Variants in TRPM3 observed in about 807,000 individuals in gnomAD.
TRPM3 encodes transient receptor potential cation channel subfamily M member 3.
TRPM3 carries 77 observed loss-of-function variants against 181.2 expected under a neutral mutation model. The observed-to-expected ratio is 0.42, with a 90% CI of 0.35 to 0.51. The LOEUF (loss-of-function observed/expected upper bound fraction) is 0.51, where lower values mean the gene tolerates loss of function less well. TRPM3 is among the 20% of genes least tolerant of loss of function. The probability of loss-of-function intolerance (pLI) is 0.01; values close to 1 mark genes in which losing one functional copy is unlikely to be tolerated. For missense variants in TRPM3, 1,759 were observed against 2,196.7 expected, an observed-to-expected ratio of 0.80 and a Z score of 3.98; for synonymous variants, 745 against 796.4, an observed-to-expected ratio of 0.94 and a Z score of 1.09.
chr9:70,954,785 A>T (rs1401803973), intron 1 of TRPM3, among the ~76,000 whole-genome samples: 1 of 151,598 alleles, frequency 6.6e-6, no homozygotes, highest in African/African-American at 2.4e-5. Flanking sequence ...ACATCACCAT[A>T]CATCCTCGGG....
chr9:70,848,383 G>A lies in TRPM3; in HGVS notation c.463-1792C>T, dbSNP rs149877641. 2.6e-5 allele frequency among the ~76,000 whole-genome samples: 4 copies of A among 152,224 alleles called. No homozygotes were observed. The East Asian group carries it at 7.7e-4, about 29-fold the overall frequency. On this transcript the variant is annotated intron_variant, in intron 3 of 25. Coordinates refer to ENST00000677713, the MANE Select transcript of TRPM3 (RefSeq NM_001366145.2). ...CTTGGAGGAGATAATCAGAATTATA[G>A]GTAGAAGTAAAAGAGATGATGGGGA... is the stretch of plus-strand genomic sequence containing the variant.
chr9:71,106,317 C>CG (rs973838296), intron 1 of TRPM3, among the ~76,000 whole-genome samples: 8 of 151,934 alleles, frequency 5.3e-5, no homozygotes, highest in Admixed American at 4.6e-4. Flanking sequence ...GAAATGGGGC[C>CG]GGGGGGAGGT....
intron 6 of TRPM3, chr9:70,825,002 C>T (rs1460160938): frequency 6.6e-6 from 1 of 152,192 alleles, no homozygotes; most frequent in African/African-American, 2.4e-5. Context: ...ACTCCCTACC[C>T]TCTAAGGAGC....
In TRPM3 at chr9:71,216,993, C is replaced by G. The variant is rs374705054; in HGVS notation, c.183+229660G>C. ...TGAGACGGAGTCTCGCTCTGTCGCCCAGGCTGGAGTGCAGTGGCGCGATCT... is the reference window on the plus strand; with the variant it reads ...TGAGACGGAGTCTCGCTCTGTCGCCGAGGCTGGAGTGCAGTGGCGCGATCT... On this transcript the variant is annotated intron_variant, in intron 1 of 24. Transcript: ENST00000357533. Among the ~76,000 whole-genome samples the G allele has an allele frequency of 3.3e-3, 399 of 120,148 alleles. 4 individuals carry two copies. Among genetic ancestry groups the G allele is most frequent in the African/African-American group, 0.012 (385 of 32,374 alleles). 78.8% of individuals were successfully genotyped at this position (120,148 alleles called of 152,430 possible).
intron 1 of TRPM3, among the ~76,000 whole-genome samples, chr9:71,167,713 T>G (rs1411196156): frequency 6.6e-6 from 1 of 152,172 alleles, no homozygotes; most frequent in African/African-American, 2.4e-5. Context: ...ATGAGAGCTC[T>G]TTTTTAAAAA....
At position 70,639,200 on chromosome 9, in the gene TRPM3, A is replaced by C. The variant is rs781161701; in HGVS notation, c.1447-6T>G. Reference sequence around the variant, plus strand: ...GCTTGCTCCAGAGATCCCACCTGCAAACCAAGTCACTGAGTTAGTCTGCCC... The same window carrying C: ...GCTTGCTCCAGAGATCCCACCTGCACACCAAGTCACTGAGTTAGTCTGCCC... On this transcript the variant is annotated splice_polypyrimidine_tract_variant and splice_region_variant and intron_variant, in intron 10 of 25. Coordinates refer to ENST00000677713, the MANE Select transcript of TRPM3 (RefSeq NM_001366145.2). 2.4e-5 allele frequency: 39 copies of C among 1,613,478 alleles called. No individual in the cohort carries two copies. The highest frequency in any genetic ancestry group is 3.2e-5 in the Non-Finnish European group (38 of 1,179,736).
intron 1 of TRPM3, among the ~76,000 whole-genome samples, chr9:70,995,861 A>G (rs1391085919): frequency 3.3e-5 from 5 of 152,218 alleles, no homozygotes; most frequent in Admixed American, 2.6e-4. Context: ...TGGTGTCTCA[A>G]CTTTGGTCCC....
Position 71,077,952 on chromosome 9 carries a change from A to G in TRPM3, c.177+43226T>C, listed in dbSNP as rs2063703632. On this transcript the variant is annotated intron_variant, in intron 1 of 25. Coordinates refer to ENST00000677713, the MANE Select transcript of TRPM3 (RefSeq NM_001366145.2). The stretch of plus-strand genomic sequence containing the variant: ...ATCTCAGCACAGTTTTTCAAATGGT[A>G]GCCAACCACACAAGCTTCTTGGTGT... 3.5e-5 allele frequency among the ~76,000 whole-genome samples: 5 copies of G among 142,724 alleles called. 1 individual carries two copies. The South Asian group carries it at 1.1e-3, about 31-fold the overall frequency. 93.6% of individuals were successfully genotyped at this position (142,724 alleles called of 152,430 possible).
At chr9:71,349,871 A>G (rs1451207697) in intron 1 of TRPM3, among the ~76,000 whole-genome samples, 5 of 151,852 alleles carry the variant, frequency 3.3e-5, no homozygotes, top group Non-Finnish European at 7.4e-5. Context: ...AAGTGATAAC[A>G]TGGAAGCCTG....
chr9:71,155,673 T>C (rs1478022050), intron 1 of TRPM3, among the ~76,000 whole-genome samples: 3 of 152,090 alleles, frequency 2.0e-5, no homozygotes, highest in Admixed American at 6.6e-5. Context: ...CTATTTATAC[T>C]AGAGATACAT....
intron 1 of TRPM3, among the ~76,000 whole-genome samples, chr9:71,366,761 G>A (rs1055140809): frequency 6.6e-6 from 1 of 151,942 alleles, no homozygotes; most frequent in African/African-American, 2.4e-5. Context: ...TAATTTCAAT[G>A]CAGATTACTA....
intron 1 of TRPM3, among the ~76,000 whole-genome samples, chr9:71,053,867 A>G (rs1405707468): frequency 2.6e-5 from 4 of 152,070 alleles, no homozygotes; most frequent in African/African-American, 7.2e-5. Context: ...CTATCACAAA[A>G]CAGGGTCGGG....
chr9:70,884,817 G>C (rs185273887), intron 1 of TRPM3, among the ~76,000 whole-genome samples: 31 of 152,290 alleles, frequency 2.0e-4, no homozygotes, highest in Non-Finnish European at 4.3e-4. Flanking sequence ...TCAATGACTT[G>C]AGGCAAAACT....
chr9:70,621,498 G>A (rs2063635913), intron 14 of TRPM3, among the ~76,000 whole-genome samples: 3 of 152,120 alleles, frequency 2.0e-5, no homozygotes, highest in Admixed American at 2.0e-4. Context: ...CCACGTAGCT[G>A]AGAGTACAGG....
chr9:71,046,184 A>G (rs1267087622), intron 1 of TRPM3, among the ~76,000 whole-genome samples: 1 of 151,990 alleles, frequency 6.6e-6, no homozygotes, highest in Non-Finnish European at 1.5e-5. Context: ...ATGGGGTTTC[A>G]CTATCCTGGT....
intron 1 of TRPM3, among the ~76,000 whole-genome samples, chr9:70,995,740 G>A (rs143004369): frequency 5.9e-5 from 9 of 152,208 alleles, no homozygotes; most frequent in Non-Finnish European, 8.8e-5. Context: ...AACTCAGCAT[G>A]CCAGGCTCTT....
At chr9:70,939,928 G>T (rs1002928010) in intron 1 of TRPM3, among the ~76,000 whole-genome samples, 15 of 152,154 alleles carry the variant, frequency 9.9e-5, no homozygotes, top group Admixed American at 8.5e-4. Flanking sequence ...GATTCTCCAT[G>T]GTTACAATAA....
intron 7 of TRPM3, among the ~76,000 whole-genome samples, chr9:70,780,574 A>G (rs1263427188): frequency 6.6e-6 from 1 of 152,086 alleles, no homozygotes; most frequent in Non-Finnish European, 1.5e-5. Flanking sequence ...CTGCAAGATA[A>G]TGTTATTTGG....
intron 1 of TRPM3, among the ~76,000 whole-genome samples, chr9:71,316,141 A>AAAC (rs2088565274): frequency 6.6e-6 from 1 of 152,204 alleles, no homozygotes; most frequent in African/African-American, 2.4e-5. Flanking sequence ...TTATTTAAAT[A>AAAC]TTGAATGAAC....
Sources: allele counts gnomAD v4.1 joint callset (sites outside exome capture counted in the v4.1 genomes callset), GRCh38; gene constraint gnomAD v4.1.1; transcripts MANE v1.5; gene names NCBI Gene and HGNC (gene_info 2026-07-23, HGNC 2026-07-21).